Variants in BTBD9 observed in about 807,000 individuals in gnomAD.
BTBD9 encodes BTB domain containing 9.
Under a neutral mutation model 64.3 loss-of-function variants are expected in BTBD9, and 49 were observed. That is an observed-to-expected ratio of 0.76 (90% CI 0.61 to 0.97). The LOEUF is 0.97. BTBD9 is among the 50% of genes least tolerant of loss of function. The pLI, the probability that BTBD9 is intolerant of heterozygous loss-of-function variation, is 0.00. For synonymous variants in BTBD9, 260 were observed against 274.7 expected, an observed-to-expected ratio of 0.95 and a Z score of 0.53; for missense variants, 598 against 762.1, an observed-to-expected ratio of 0.78 and a Z score of 2.53.
intron 1 of BTBD9, among the ~76,000 whole-genome samples, chr6:38,618,960 C>A (rs1777892697): frequency 6.6e-6 from 1 of 152,182 alleles, no homozygotes; most frequent in Non-Finnish European, 1.5e-5. Context: ...GGGACCTAGA[C>A]TCAGATCATG....
chr6:38,582,880 G>C (rs1043019368), intron 4 of BTBD9, among the ~76,000 whole-genome samples: 4 of 152,174 alleles, frequency 2.6e-5, no homozygotes, highest in African/African-American at 9.6e-5. Flanking sequence ...AACATATAAA[G>C]CGCTCATTCA....
intron 6 of BTBD9, among the ~76,000 whole-genome samples, chr6:38,467,846 T>C (rs1770466834): frequency 6.6e-6 from 1 of 152,230 alleles, no homozygotes; most frequent in African/African-American, 2.4e-5. Context: ...CTGTAGATTC[T>C]ATTTCCAAAA....
intron 6 of BTBD9, among the ~76,000 whole-genome samples, chr6:38,425,250 C>A (rs924543850): frequency 1.3e-5 from 2 of 151,622 alleles, no homozygotes. Context: ...AGATTACAGG[C>A]ACCTGCCACC....
intron 7 of BTBD9, among the ~76,000 whole-genome samples, chr6:38,312,073 C>T (rs1296203973): frequency 2.0e-5 from 3 of 152,032 alleles, no homozygotes; most frequent in Non-Finnish European, 4.4e-5. Flanking sequence ...GTTGGTCAGG[C>T]TGGTCTCAAA....
chr6:38,284,499 A>G (rs548121589), intron 8 of BTBD9, among the ~76,000 whole-genome samples: 1 of 152,240 alleles, frequency 6.6e-6, no homozygotes, highest in South Asian at 2.1e-4. Flanking sequence ...TCACCCTGAT[A>G]ATAACCTCAT....
intron 6 of BTBD9, among the ~76,000 whole-genome samples, chr6:38,543,470 A>G (rs1774380309): frequency 6.6e-6 from 1 of 152,240 alleles, no homozygotes; most frequent in South Asian, 2.1e-4. Context: ...ATGTTTGTCA[A>G]ATAAACAATG....
At chr6:38,332,667 A>T (rs2127582410) in intron 7 of BTBD9, among the ~76,000 whole-genome samples, 1 of 152,242 alleles carries the variant, frequency 6.6e-6, no homozygotes, top group Admixed American at 6.5e-5. Flanking sequence ...TTCTCTTGGA[A>T]AATATTTTAA....
intron 1 of BTBD9, among the ~76,000 whole-genome samples, chr6:38,599,480 G>A (rs559671908): frequency 2.0e-5 from 3 of 152,270 alleles, no homozygotes; most frequent in South Asian, 4.1e-4. Context: ...ATAAGTGTAA[G>A]TAACTGGCAA....
intron 4 of BTBD9, among the ~76,000 whole-genome samples, chr6:38,582,745 C>G (rs980662877): frequency 1.3e-5 from 2 of 152,168 alleles, no homozygotes; most frequent in East Asian, 1.9e-4. Flanking sequence ...TTGAGTAAGG[C>G]CTGTTAGTCT....
At chr6:38,614,260 C>T (rs890949799) in intron 1 of BTBD9, among the ~76,000 whole-genome samples, 4 of 152,148 alleles carry the variant, frequency 2.6e-5, no homozygotes, top group Admixed American at 2.0e-4. Context: ...ATTCTGTTCC[C>T]CCATCACCGC....
intron 6 of BTBD9, among the ~76,000 whole-genome samples, chr6:38,489,331 G>T (rs1006640588): frequency 6.6e-6 from 1 of 152,126 alleles, no homozygotes; most frequent in Non-Finnish European, 1.5e-5. Flanking sequence ...GTTGAGCATG[G>T]TGGCACATGC....
chr6:38,587,789 C>G, intron 4 of BTBD9: 1 of 712,132 alleles, frequency 1.4e-6, no homozygotes. Flanking sequence ...TCGGATTCTT[C>G]TGGAAAACAG....
chr6:38,591,757 A>G (rs1416724706), intron 4 of BTBD9, among the ~76,000 whole-genome samples: 2 of 152,152 alleles, frequency 1.3e-5, no homozygotes, highest in African/African-American at 4.8e-5. Context: ...CATACTATGC[A>G]CTCTGTAAGT....
Position 38,374,311 on chromosome 6 carries a change from A to ATATATGTG in BTBD9, c.1155-29219_1155-29218insCACATATA, listed in dbSNP as rs1562095686. 2.9e-4 allele frequency among the ~76,000 whole-genome samples: 34 copies of ATATATGTG among 115,806 alleles called. 1 individual carries two copies. Among genetic ancestry groups the ATATATGTG allele is most frequent in the African/African-American group, 9.6e-4 (26 of 26,964 alleles). 76.0% of individuals were successfully genotyped at this position (115,806 alleles called of 152,430 possible). ...TATATATATATGTATATATATGTAT[A>ATATATGTG]TATATATATATATATGTATATAAAA... On this transcript the variant is annotated intron_variant, in intron 6 of 10. Coordinates refer to ENST00000481247, the MANE Select transcript of BTBD9 (RefSeq NM_001099272.2).
intron 10 of BTBD9, among the ~76,000 whole-genome samples, chr6:38,188,926 C>A (rs1761935489): frequency 6.6e-6 from 1 of 152,164 alleles, no homozygotes; most frequent in Non-Finnish European, 1.5e-5. Flanking sequence ...AGAACCAGAG[C>A]CTGCTGGCAC....
chr6:38,375,192 G>A (rs1044941107), intron 6 of BTBD9, among the ~76,000 whole-genome samples: 1 of 152,200 alleles, frequency 6.6e-6, no homozygotes, highest in Non-Finnish European at 1.5e-5. Context: ...TCCTCAGAAT[G>A]TAAAGTACTG....
chr6:38,426,746 GC>G (rs1768175484), intron 6 of BTBD9, among the ~76,000 whole-genome samples: 1 of 151,854 alleles, frequency 6.6e-6, no homozygotes, highest in Non-Finnish European at 1.5e-5. Context: ...GTGACCCACA[GC>G]TTCTAATAGA....
intron 6 of BTBD9, among the ~76,000 whole-genome samples, chr6:38,442,426 C>T (rs1032258912): frequency 2.0e-5 from 3 of 151,930 alleles, no homozygotes; most frequent in South Asian, 4.1e-4. Context: ...GCCAAGATCA[C>T]GCCACTGCAT....
At position 38,281,029 on chromosome 6, in the gene BTBD9, G is replaced by C. The variant is rs2127550969; in HGVS notation, c.1454+7243C>G. Among the ~76,000 whole-genome samples, 4 of 152,302 alleles carry C rather than the reference G, an allele frequency of 2.6e-5. No homozygotes were observed. In the Middle Eastern group the frequency reaches 0.014, roughly 518 times the overall value. On this transcript the variant is annotated intron_variant, in intron 8 of 10. Coordinates refer to ENST00000481247, the MANE Select transcript of BTBD9 (RefSeq NM_001099272.2). Reference sequence around the variant, plus strand: ...TGAGATTATCTGTGGTCCTACTAGAGATTGAGTGCAGCACAGATGTAGAAA... The same window carrying C: ...TGAGATTATCTGTGGTCCTACTAGACATTGAGTGCAGCACAGATGTAGAAA...
Sources: gnomAD v4.1 joint callset for allele counts (sites outside exome capture counted in the v4.1 genomes callset) on GRCh38, gnomAD v4.1.1 for gene constraint, MANE v1.5 for transcripts, NCBI Gene and HGNC (gene_info 2026-07-23, HGNC 2026-07-21) for gene names.